Variants in CASZ1 observed in about 807,000 individuals in gnomAD.
CASZ1 encodes zinc finger protein castor homolog 1.
Under a neutral mutation model 135.2 loss-of-function variants are expected in CASZ1, and 28 were observed. The ratio of observed to expected loss-of-function variants is 0.21; its 90% CI spans 0.15 to 0.28. CASZ1 has a LOEUF of 0.28. CASZ1 is among the 10% of genes least tolerant of loss of function. The pLI is 1.00. For missense variants in CASZ1, 2,161 were observed against 2,453.3 expected (o/e 0.88, Z 2.52); for synonymous variants, 1,068 against 1,073.4 (o/e 0.99, Z 0.10).
chr1:10,642,645 C>T (rs763001429), intron 20 of CASZ1, among the ~76,000 whole-genome samples: 4 of 152,006 alleles, frequency 2.6e-5, no homozygotes, highest in African/African-American at 4.8e-5. Context: ...GGTCCTCTCC[C>T]GGAAACTGAC....
rs1332660993 is a variant in CASZ1 at position 10,699,111 on chromosome 1, G to A, written c.-23-5199C>T. Among the ~76,000 whole-genome samples the A allele has an allele frequency of 2.0e-5, 3 of 152,166 alleles. No individual in the cohort carries two copies. The highest frequency in any genetic ancestry group is 2.9e-5 in the Non-Finnish European group (2 of 68,012). On this transcript the variant is annotated intron_variant, in intron 3 of 20. Coordinates refer to ENST00000377022, the MANE Select transcript of CASZ1 (RefSeq NM_001079843.3). The surrounding 1 kb of genome is among the most constrained non-coding windows in gnomAD (Gnocchi z 4.6). ...GCCCAGAGGCTGCTTGCTCCAGGGC[G>A]TTCTCAGGGGCCCATGAGGCCTGGC...
At position 10,720,672 on chromosome 1, in the gene CASZ1, G is replaced by T. The variant is rs1450979196; in HGVS notation, c.-76-15128C>A. Among the ~76,000 whole-genome samples the T allele has an allele frequency of 6.6e-6, 1 of 152,212 alleles. No homozygotes were observed. The highest frequency in any genetic ancestry group is 1.5e-5 in the Non-Finnish European group (1 of 68,038). On this transcript the variant is annotated intron_variant, in intron 2 of 20. Transcript: ENST00000377022. This position sits in a 1 kb window ranked among gnomAD's most constrained non-coding sequence, Gnocchi z 5.7. Reference sequence around the variant, plus strand: ...CGAGTACATGTGATAATGACTCCAGGCTTCGCTTCTGCTGCCCCCAGAAAA... The same window carrying T: ...CGAGTACATGTGATAATGACTCCAGTCTTCGCTTCTGCTGCCCCCAGAAAA...
Position 10,700,112 on chromosome 1 carries a change from C to A in CASZ1, c.-24+5380G>T, listed in dbSNP as rs1451550716. On this transcript the variant is annotated intron_variant, in intron 3 of 20. Coordinates refer to ENST00000377022, the MANE Select transcript of CASZ1 (RefSeq NM_001079843.3). This position sits in a 1 kb window ranked among gnomAD's most constrained non-coding sequence, Gnocchi z 4.2. Reference sequence around the variant, plus strand: ...ACACACACACACACACACACACACACACACAGAGTATGAAGCAGGGACCTG... The same window carrying A: ...ACACACACACACACACACACACACAAACACAGAGTATGAAGCAGGGACCTG... Among the ~76,000 whole-genome samples, 1 of 151,348 alleles carries A rather than the reference C, an allele frequency of 6.6e-6. No homozygotes were observed. The highest frequency in any genetic ancestry group is 1.5e-5 in the Non-Finnish European group (1 of 67,920).
At chr1:10,773,365 G>A (rs948810974) in intron 1 of CASZ1, among the ~76,000 whole-genome samples, 1 of 151,554 alleles carries the variant, frequency 6.6e-6, no homozygotes, top group Non-Finnish European at 1.5e-5. Flanking sequence ...AGACAGACGT[G>A]GGCAGAGACA....
rs910019007 is a variant in CASZ1, at chr1:10,657,717, G to A, written c.1409+791C>T. ...GGACGTGGAGGCGGAGAGACAGAGC[G>A]GGCGGGAGGAACCTGGAAGATCTGC... On this transcript the variant is annotated intron_variant, in intron 7 of 20. Coordinates refer to ENST00000377022, the MANE Select transcript of CASZ1 (RefSeq NM_001079843.3). The surrounding 1 kb of genome is among the most constrained non-coding windows in gnomAD (Gnocchi z 5.7). Among the ~76,000 whole-genome samples, 1 of 151,338 alleles carries A rather than the reference G, an allele frequency of 6.6e-6. No individual in the cohort carries two copies.
intron 2 of CASZ1, among the ~76,000 whole-genome samples, chr1:10,742,177 C>A (rs1256990880): frequency 6.6e-6 from 1 of 152,146 alleles, no homozygotes; most frequent in Non-Finnish European, 1.5e-5. Flanking sequence ...TTCATGCCAC[C>A]CCGGTGTCCG....
chr1:10,683,001 GATAA>G (rs1315649973), intron 4 of CASZ1, among the ~76,000 whole-genome samples: 4 of 152,238 alleles, frequency 2.6e-5, no homozygotes, highest in South Asian at 2.1e-4. Context: ...GGTACGCAAA[GATAA>G]ATAAAGGAGA....
intron 2 of CASZ1, among the ~76,000 whole-genome samples, chr1:10,715,431 G>A (rs1056698666): frequency 1.3e-5 from 2 of 151,924 alleles, no homozygotes; most frequent in African/African-American, 4.8e-5. Flanking sequence ...GAGCCTGGGA[G>A]CAGCCGGGCA....
rs1638955445 is a variant in CASZ1, at chr1:10,697,291, G to A, written c.-23-3379C>T. Reference sequence around the variant, plus strand: ...CTGAGTGTATCTGCTCATACCAAGAGGAGAGGCATCTTTTGAGGCTATGGC... The same window carrying A: ...CTGAGTGTATCTGCTCATACCAAGAAGAGAGGCATCTTTTGAGGCTATGGC... On this transcript the variant is annotated intron_variant, in intron 3 of 20. Transcript: ENST00000377022. The surrounding 1 kb of genome is among the most constrained non-coding windows in gnomAD (Gnocchi z 4.7). Among the ~76,000 whole-genome samples the A allele has an allele frequency of 1.3e-5, 2 of 151,668 alleles. No individual in the cohort carries two copies. Among genetic ancestry groups the A allele is most frequent in the Non-Finnish European group, 2.9e-5 (2 of 67,912 alleles).
intron 2 of CASZ1, among the ~76,000 whole-genome samples, chr1:10,742,158 C>T (rs1034958021): frequency 3.9e-5 from 6 of 152,154 alleles, no homozygotes; most frequent in African/African-American, 1.2e-4. Flanking sequence ...ATCAAGCACA[C>T]GATTAGGCTT....
intron 2 of CASZ1, among the ~76,000 whole-genome samples, chr1:10,736,848 G>A (rs1639807667): frequency 6.6e-6 from 1 of 152,210 alleles, no homozygotes; most frequent in Admixed American, 6.5e-5. Flanking sequence ...GAACTATGGG[G>A]ACAAGGGGAA....
chr1:10,700,391 G>C lies in CASZ1; in HGVS notation c.-24+5101C>G, dbSNP rs1639037310. Among the ~76,000 whole-genome samples the C allele has an allele frequency of 6.6e-6, 1 of 152,238 alleles. No individual in the cohort carries two copies. The highest frequency in any genetic ancestry group is 2.1e-4 in the South Asian group (1 of 4,830). ...GGAGAAGCCAAGGGAGGGGTCCCAG[G>C]AGGGGAGGCCCGCTGTCCTTATGGG... On this transcript the variant is annotated intron_variant, in intron 3 of 20. Transcript: ENST00000377022. This position sits in a 1 kb window ranked among gnomAD's most constrained non-coding sequence, Gnocchi z 4.2.
chr1:10,787,752 C>T (rs984248320), intron 1 of CASZ1, among the ~76,000 whole-genome samples: 3 of 152,036 alleles, frequency 2.0e-5, no homozygotes, highest in Non-Finnish European at 2.9e-5. Context: ...GCAAGGCACA[C>T]GCAGGGCATG....
chr1:10,692,222 G>A (rs952041130), intron 4 of CASZ1, among the ~76,000 whole-genome samples: 1 of 152,226 alleles, frequency 6.6e-6, no homozygotes, highest in Non-Finnish European at 1.5e-5. Context: ...GAGGATGGAC[G>A]CTGGCTCCAG....
At chr1:10,745,357 T>A (rs4845955) in intron 2 of CASZ1, among the ~76,000 whole-genome samples, 1 of 151,906 alleles carries the variant, frequency 6.6e-6, no homozygotes, top group Non-Finnish European at 1.5e-5. Context: ...GAATCCAGTG[T>A]GTTCCCCAAC....
At chr1:10,791,764 G>C (rs2100635385) in intron 1 of CASZ1, among the ~76,000 whole-genome samples, 1 of 152,282 alleles carries the variant, frequency 6.6e-6, no homozygotes, top group East Asian at 1.9e-4. Context: ...AGAGAGAAGA[G>C]AGAGATGACT....
In CASZ1 at chr1:10,743,672, CG is replaced by C. The variant is rs1302325337; in HGVS notation, c.-77+17028del. 5.0e-4 allele frequency among the ~76,000 whole-genome samples: 13 copies of C among 25,988 alleles called. 1 individual carries two copies. Among genetic ancestry groups the C allele is most frequent in the African/African-American group, 1.4e-3 (13 of 9,548 alleles). 17.0% of individuals were successfully genotyped at this position (25,988 alleles called of 152,430 possible). A position where few individuals can be genotyped will look rare whatever the true frequency, so the allele number is the denominator to read the frequency against. Reference sequence around the variant, plus strand: ...TATGACAGTCTCCAAAATGGGGGGGCGGGGTGCGGGGGGAGGAGAAGAGGGA... The same window carrying C: ...TATGACAGTCTCCAAAATGGGGGGGCGGGTGCGGGGGGAGGAGAAGAGGGA... On this transcript the variant is annotated intron_variant, in intron 2 of 20. Transcript: ENST00000377022.
rs536904477 is a variant in CASZ1 at position 10,704,830 on chromosome 1, G to A, written c.-24+662C>T. On this transcript the variant is annotated intron_variant, in intron 3 of 20. Coordinates refer to ENST00000377022, the MANE Select transcript of CASZ1 (RefSeq NM_001079843.3). ...GGGGCCCGAGGCCCGGTGGCCCCGC[G>A]GTTTCTCGCGCCACCACCCCGGGGA... is the stretch of plus-strand genomic sequence containing the variant. Among the ~76,000 whole-genome samples the A allele has an allele frequency of 5.0e-3, 761 of 152,370 alleles. 18 individuals are homozygous for A. The highest frequency in any genetic ancestry group is 1.2e-3 in the Non-Finnish European group (84 of 68,028).
At chr1:10,778,192 GAC>G (rs1288865162) in intron 1 of CASZ1, among the ~76,000 whole-genome samples, 4 of 149,788 alleles carry the variant, frequency 2.7e-5, no homozygotes, top group Non-Finnish European at 5.9e-5. Flanking sequence ...CACACAATCA[GAC>G]ACACTCTCAC....
Sources: gnomAD v4.1 joint callset for allele counts (sites outside exome capture counted in the v4.1 genomes callset) on GRCh38, gnomAD v4.1.1 for gene constraint, Gnocchi (gnomAD v3.1) non-coding constraint, MANE v1.5 for transcripts, NCBI Gene and HGNC (gene_info 2026-07-23, HGNC 2026-07-21) for gene names.